The following FSTL1 variants were observed in gnomAD, a reference collection of about 807,000 sequenced individuals.
FSTL1 encodes follistatin-related protein 1.
Under a neutral mutation model 45.9 loss-of-function variants are expected in FSTL1, and 24 were observed. That is an observed-to-expected ratio of 0.52 (90% confidence interval 0.38 to 0.74). The LOEUF (loss-of-function observed/expected upper bound fraction) is 0.74, where lower values mean the gene tolerates loss of function less well. FSTL1 is among the 30% of genes least tolerant of loss of function. The pLI, the probability that FSTL1 is intolerant of heterozygous loss-of-function variation, is 0.00. For synonymous variants in FSTL1, 120 were observed against 137.6 expected (o/e 0.87, Z 0.89); for missense variants, 340 against 381.8 (o/e 0.89, Z 0.91).
At chr3:120,447,126 G>A (rs1017064659) in intron 2 of FSTL1, among the ~76,000 whole-genome samples, 1 of 152,150 alleles carries the variant, frequency 6.6e-6, no homozygotes, top group Non-Finnish European at 1.5e-5. Context: ...CCATGTTAGA[G>A]TGACAGATAT....
At chr3:120,450,589 C>T (rs1430950447) in intron 2 of FSTL1, 95 bp downstream of exon 2, 7 of 766,138 alleles carry the variant, frequency 9.1e-6, no homozygotes, top group Non-Finnish European at 1.4e-5. Flanking sequence ...AGCGCCACCC[C>T]GGGAGAGCAT....
At chr3:120,423,296 C>A (rs530393311) in intron 2 of FSTL1, 1 of 152,034 alleles carries the variant, frequency 6.6e-6, no homozygotes, top group South Asian at 2.1e-4. Flanking sequence ...ATGCCTCATG[C>A]TGCCTATGCT....
intron 2 of FSTL1, among the ~76,000 whole-genome samples, chr3:120,417,407 G>C (rs1937205384): frequency 6.6e-6 from 1 of 152,210 alleles, no homozygotes; most frequent in Non-Finnish European, 1.5e-5. Context: ...TCCCAAGCCA[G>C]CTTGCTGGTC....
chr3:120,449,701 C>G (rs573692426), intron 2 of FSTL1, among the ~76,000 whole-genome samples: 1 of 152,238 alleles, frequency 6.6e-6, no homozygotes, highest in East Asian at 1.9e-4. Context: ...TGGGCAGAGT[C>G]AAGCTGCGAT....
Position 120,447,288 on chromosome 3 carries a change from A to G in FSTL1, c.63+3396T>C, listed in dbSNP as rs187558631. On this transcript the variant is annotated intron_variant, in intron 2 of 10. Coordinates refer to ENST00000295633, the MANE Select transcript of FSTL1 (RefSeq NM_007085.5). Reference sequence around the variant, plus strand: ...TGGGAAAGAGTAGATGAGCAGGCTCACACAGTCCTCTCCCCAGAGAATCTA... The same window carrying G: ...TGGGAAAGAGTAGATGAGCAGGCTCGCACAGTCCTCTCCCCAGAGAATCTA... Among the ~76,000 whole-genome samples the G allele has an allele frequency of 2.0e-5, 3 of 152,332 alleles. No homozygotes were observed. In the East Asian group the frequency reaches 5.8e-4, roughly 29 times the overall value.
chr3:120,435,080 G>C (rs746511352), intron 2 of FSTL1, among the ~76,000 whole-genome samples: 1 of 152,016 alleles, frequency 6.6e-6, no homozygotes, highest in Non-Finnish European at 1.5e-5. Context: ...TTAGCCGGGC[G>C]TGGTTGCAGG....
intron 6 of FSTL1, among the ~76,000 whole-genome samples, chr3:120,405,560 A>C (rs1576209658): frequency 6.6e-6 from 1 of 152,348 alleles, no homozygotes; most frequent in East Asian, 1.9e-4. Context: ...GAACTCAGGC[A>C]AAGGCCTCAA....
chr3:120,446,458 C>G (rs1259335), intron 2 of FSTL1, among the ~76,000 whole-genome samples: 135,069 of 152,226 alleles, frequency 0.89, 60,672 homozygotes, highest in Non-Finnish European at 0.97. Flanking sequence ...CCAGGGCCTC[C>G]TATGCTGGGT....
Position 120,396,818 on chromosome 3 carries a change from T to C in FSTL1, c.*134A>G. On this transcript the variant is annotated 3_prime_UTR_variant, in exon 11 of 11. Transcript: ENST00000295633. ...TTCATATCCTTTATTGCAAAACAAATAAACAAAATAAAACTCATTGCTATA... is the reference window on the plus strand; with the variant it reads ...TTCATATCCTTTATTGCAAAACAAACAAACAAAATAAAACTCATTGCTATA... 1.4e-6 allele frequency: 1 copy of C among 715,124 alleles called. No homozygotes were observed. The highest frequency in any genetic ancestry group is 1.7e-5 in the South Asian group (1 of 60,110). The allele number at this position is 715,124 out of a possible 1,614,324, so 44.3% of individuals were successfully genotyped here. A position where few individuals can be genotyped will look rare whatever the true frequency, so the allele number is the denominator to read the frequency against.
intron 7 of FSTL1, among the ~76,000 whole-genome samples, chr3:120,403,858 T>C (rs1222921478): frequency 7.0e-6 from 1 of 142,276 alleles, no homozygotes; most frequent in Non-Finnish European, 1.5e-5. Flanking sequence ...CTCCATCAGC[T>C]TGCAGTGAGC....
At chr3:120,402,576 C>T (rs1283156060) in intron 9 of FSTL1, among the ~76,000 whole-genome samples, 1 of 151,648 alleles carries the variant, frequency 6.6e-6, no homozygotes, top group African/African-American at 2.4e-5. Context: ...GGTCTTGGTC[C>T]TCTCTTATTC....
chr3:120,447,891 T>C (rs537503609), intron 2 of FSTL1, among the ~76,000 whole-genome samples: 2 of 152,292 alleles, frequency 1.3e-5, no homozygotes, highest in East Asian at 3.9e-4. Flanking sequence ...GCTCAAGCAG[T>C]CCTCCCGTCT....
intron 8 of FSTL1, 40 bp downstream of exon 8, chr3:120,403,202 T>A: frequency 9.0e-7 from 1 of 1,115,914 alleles, no homozygotes; most frequent in Non-Finnish European, 1.4e-6. Flanking sequence ...ACAAAATGCC[T>A]CCATTCACTA....
Position 120,404,928 on chromosome 3 carries a change from A to G in FSTL1, c.506T>C (p.Leu169Pro), listed in dbSNP as rs1576209291. Residue 169 changes from leucine (L) to proline (P), a missense_variant, in exon 7 of 11, where the codon CTG becomes CCG. Leu to Pro is a moderately conservative substitution (Grantham distance 98). Coordinates refer to ENST00000295633, the MANE Select transcript of FSTL1 (RefSeq NM_007085.5). The stretch of plus-strand genomic sequence containing the variant: ...AGTTTCATTCTGTTCCACAAACTTC[A>G]GGAATTCACTGGAGTCCAGGCGAGA... Reference protein sequence around the residue: ...GDSRLDSSEFLKFVEQNETAI... With the variant: ...GDSRLDSSEFPKFVEQNETAI... 1 of 1,605,914 alleles carries G rather than the reference A, an allele frequency of 6.2e-7. No homozygotes were observed. Among genetic ancestry groups the G allele is most frequent in the Non-Finnish European group, 8.5e-7 (1 of 1,172,414 alleles).
Position 120,411,427 on chromosome 3 carries a change from T to C in FSTL1, c.298+427A>G, listed in dbSNP as rs547684337. On this transcript the variant is annotated intron_variant, in intron 4 of 10. Coordinates refer to ENST00000295633, the MANE Select transcript of FSTL1 (RefSeq NM_007085.5). ...CAAGTGTGGGACTTCTTCCTTCTTA[T>C]TCTAATGGCAGTGGTTTCAGTGCAA... 2.1e-5 allele frequency: 4 copies of C among 187,380 alleles called. No homozygotes were observed. In the East Asian group the frequency reaches 5.5e-4, roughly 26 times the overall value. 11.6% of individuals were successfully genotyped at this position (187,380 alleles called of 1,614,324 possible).
At chr3:120,410,917 C>T (rs372496282) in intron 5 of FSTL1, 35 bp downstream of exon 5, 1 of 1,525,592 alleles carries the variant, frequency 6.6e-7, no homozygotes, top group South Asian at 1.1e-5. Context: ...AATGTCCTCC[C>T]TGAGATGCAC....
At chr3:120,406,966 A>G in intron 6 of FSTL1, among the ~76,000 whole-genome samples, 1 of 152,192 alleles carries the variant, frequency 6.6e-6, no homozygotes, top group East Asian at 1.9e-4. Context: ...TACCTTACAC[A>G]TATAGCCTGA....
In FSTL1 at chr3:120,395,385, C is replaced by T; in HGVS notation, c.*1567G>A. On this transcript the variant is annotated 3_prime_UTR_variant, in exon 11 of 11. Coordinates refer to ENST00000295633, the MANE Select transcript of FSTL1 (RefSeq NM_007085.5). ...GACTAACTGTAAATGACTGACCTCC[C>T]CAAGTCACAGTTTTAGGATTAAATC... is the stretch of plus-strand genomic sequence containing the variant. 3.1e-6 allele frequency: 1 copy of T among 324,950 alleles called. No homozygotes were observed. Among genetic ancestry groups the T allele is most frequent in the South Asian group, 2.6e-5 (1 of 38,030 alleles). 20.1% of individuals were successfully genotyped at this position (324,950 alleles called of 1,614,324 possible).
intron 5 of FSTL1, chr3:120,409,987 C>T (rs2107654278): frequency 5.3e-6 from 1 of 190,126 alleles, no homozygotes. Flanking sequence ...ATCAATAAAG[C>T]AGCTCTCTTG....
Sources: gnomAD v4.1 joint callset for allele counts (sites outside exome capture counted in the v4.1 genomes callset) on GRCh38, gnomAD v4.1.1 for gene constraint, MANE v1.5 for transcripts, NCBI Gene and HGNC (gene_info 2026-07-23, HGNC 2026-07-21) for gene names.